The following MBD5 variants were observed in gnomAD, a reference collection of about 807,000 sequenced individuals.
MBD5 encodes methyl-CpG binding domain protein 5, also known as methyl-CpG-binding domain protein 5.
In MBD5, 13 loss-of-function variants were observed where a neutral mutation model predicts 117.3. That is an observed-to-expected ratio of 0.11 (90% CI 0.07 to 0.18). The LOEUF (loss-of-function observed/expected upper bound fraction) is 0.18, where lower values mean the gene tolerates loss of function less well. Ranked by LOEUF, MBD5 falls within the 10% of genes least tolerant of loss-of-function variation. MBD5 has a pLI of 1.00. For synonymous variants in MBD5, 727 were observed against 766.4 expected (o/e 0.95, Z 0.85); for missense variants, 1,879 against 2,093.8 (o/e 0.90, Z 2.00).
intron 3 of MBD5, among the ~76,000 whole-genome samples, chr2:148,334,216 A>C (rs535677008): frequency 4.6e-5 from 7 of 152,102 alleles, no homozygotes. Context: ...ATCATTACCA[A>C]CTGCTGGTTT....
chr2:148,500,707 C>T (rs993548422), intron 11 of MBD5, among the ~76,000 whole-genome samples: 5 of 152,178 alleles, frequency 3.3e-5, no homozygotes, highest in Non-Finnish European at 4.4e-5. Flanking sequence ...TCCCTCGCTA[C>T]ACCAGTTTAA....
rs780715275 is a variant in MBD5 at position 148,469,779 on chromosome 2, CAACACTGAAGGACATAGCACTTTA to C, written c.1842_1865del (p.Glu615_Thr622del). The C allele has an allele frequency of 2.5e-6, 4 of 1,613,960 alleles. No homozygotes were observed. The Admixed American group carries it at 6.7e-5, about 27-fold the overall frequency. On this transcript the variant is annotated inframe_deletion, in exon 8 of 14. Coordinates refer to ENST00000642680, the MANE Select transcript of MBD5 (RefSeq NM_001378120.1). Reference sequence around the variant, plus strand: ...ATTCTGGAGCTGTTGCCGGCAGTGGCAACACTGAAGGACATAGCACTTTAAACACCATGTTCCCTCCTACTGCCA... The same window carrying C: ...ATTCTGGAGCTGTTGCCGGCAGTGGCAACACCATGTTCCCTCCTACTGCCA...
intron 3 of MBD5, among the ~76,000 whole-genome samples, chr2:148,280,346 A>G (rs1701220484): frequency 6.6e-6 from 1 of 152,160 alleles, no homozygotes; most frequent in South Asian, 2.1e-4. Context: ...TTATTTTAAA[A>G]GGGACAGTAG....
Position 148,490,321 on chromosome 2 carries a change from C to T in MBD5, c.4689C>T (p.Val1563=). ...SSSNSLENSL[V]KDYIHYNGDF... is the part of the protein sequence containing the mutation. ...CAAATAGTTTGGAAAATTCTCTGGT[C>T]AAAGACTACATCCATTACAATGGAG... is the stretch of plus-strand genomic sequence containing the variant. Residue 1563 remains valine (V), a synonymous_variant, in exon 11 of 14, where the codon GTC becomes GTT. Transcript: ENST00000642680. 2 of 1,614,148 alleles carry T rather than the reference C, an allele frequency of 1.2e-6. No homozygotes were observed. Among genetic ancestry groups the T allele is most frequent in the Non-Finnish European group, 1.7e-6 (2 of 1,180,032 alleles).
At chr2:148,348,983 A>G (rs1021712660) in intron 4 of MBD5, among the ~76,000 whole-genome samples, 1 of 152,028 alleles carries the variant, frequency 6.6e-6, no homozygotes, top group South Asian at 2.1e-4. Flanking sequence ...AACTAGAAAC[A>G]GGAGGAAGGA....
At chr2:148,465,302 A>G (rs1292291870) in intron 7 of MBD5, among the ~76,000 whole-genome samples, 1 of 152,100 alleles carries the variant, frequency 6.6e-6, no homozygotes, top group Non-Finnish European at 1.5e-5. Context: ...TTTTCCCATT[A>G]TTGAAGTACC....
At chr2:148,433,644 A>T (rs1236233762) in intron 4 of MBD5, among the ~76,000 whole-genome samples, 1 of 152,070 alleles carries the variant, frequency 6.6e-6, no homozygotes, top group African/African-American at 2.4e-5. Flanking sequence ...TTATGTGATG[A>T]CTCACATTTA....
chr2:148,279,925 A>C (rs1302182070), intron 3 of MBD5, among the ~76,000 whole-genome samples: 1 of 152,022 alleles, frequency 6.6e-6, no homozygotes, highest in Non-Finnish European at 1.5e-5. Context: ...CTGGGACTAG[A>C]GGCACATACC....
chr2:148,429,420 T>C (rs1322977440), intron 4 of MBD5, among the ~76,000 whole-genome samples: 2 of 152,086 alleles, frequency 1.3e-5, no homozygotes, highest in African/African-American at 4.8e-5. Context: ...AGTTCAATCA[T>C]TGTGGAAGAG....
chr2:148,355,648 T>G (rs947085029), intron 4 of MBD5, among the ~76,000 whole-genome samples: 1 of 152,190 alleles, frequency 6.6e-6, no homozygotes, highest in African/African-American at 2.4e-5. Flanking sequence ...TATATCTGTT[T>G]TGGTACCAGT....
At chr2:148,167,456 C>T (rs745744863) in intron 1 of MBD5, among the ~76,000 whole-genome samples, 21 of 152,092 alleles carry the variant, frequency 1.4e-4, no homozygotes, top group Non-Finnish European at 2.8e-4. Context: ...ACAGTGGAGT[C>T]ACTGTTAGAC....
Position 148,354,382 on chromosome 2 carries a change from T to A in MBD5, c.-557+12046T>A, listed in dbSNP as rs569410977. 2.3e-3 allele frequency among the ~76,000 whole-genome samples: 357 copies of A among 152,288 alleles called. 1 individual carries two copies. The highest frequency in any genetic ancestry group is 3.6e-3 in the Non-Finnish European group (248 of 68,032). On this transcript the variant is annotated intron_variant, in intron 4 of 13. Transcript: ENST00000642680. ...CATGTGGTGTTTGGTCTTCTGTTCT[T>A]GTGTTAGTTTGCTGAGAATGATGGC...
chr2:148,482,071 A>G (rs1681174629), intron 8 of MBD5, among the ~76,000 whole-genome samples: 1 of 152,134 alleles, frequency 6.6e-6, no homozygotes, highest in East Asian at 1.9e-4. Context: ...TGATAAATAG[A>G]GTATTGGTGA....
intron 4 of MBD5, among the ~76,000 whole-genome samples, chr2:148,418,864 GA>G (rs994434762): frequency 2.0e-5 from 3 of 151,136 alleles, no homozygotes; most frequent in East Asian, 3.9e-4. Flanking sequence ...TATAGAATTA[GA>G]AAAAAAAATT....
chr2:148,371,007 A>G (rs918861833), intron 4 of MBD5, among the ~76,000 whole-genome samples: 2 of 152,144 alleles, frequency 1.3e-5, no homozygotes, highest in African/African-American at 4.8e-5. Context: ...TTTAAGAAGG[A>G]ATATTGTTAT....
At chr2:148,429,802 C>T (rs1209460756) in intron 4 of MBD5, among the ~76,000 whole-genome samples, 1 of 152,032 alleles carries the variant, frequency 6.6e-6, no homozygotes, top group African/African-American at 2.4e-5. Flanking sequence ...ACAATGAAAA[C>T]ACATGGTCAG....
intron 4 of MBD5, among the ~76,000 whole-genome samples, chr2:148,400,144 T>A (rs1463465526): frequency 6.6e-6 from 1 of 152,178 alleles, no homozygotes; most frequent in African/African-American, 2.4e-5. Flanking sequence ...TCTTTCAATT[T>A]TGTTTTATTT....
intron 3 of MBD5, among the ~76,000 whole-genome samples, chr2:148,259,172 G>A (rs903206838): frequency 2.0e-5 from 3 of 152,078 alleles, no homozygotes; most frequent in African/African-American, 4.8e-5. Flanking sequence ...CACATAGTCC[G>A]TATGGCTGCC....
At chr2:148,106,799 C>T (rs924961582) in intron 1 of MBD5, among the ~76,000 whole-genome samples, 2 of 151,882 alleles carry the variant, frequency 1.3e-5, no homozygotes, top group African/African-American at 4.8e-5. Flanking sequence ...AAACAAAGGC[C>T]TTAATGCAGA....
Sources: allele counts gnomAD v4.1 joint callset (sites outside exome capture counted in the v4.1 genomes callset), GRCh38; gene constraint gnomAD v4.1.1; transcripts MANE v1.5; gene names NCBI Gene and HGNC (gene_info 2026-07-23, HGNC 2026-07-21).